NAV3: variants seen among roughly 807,000 people sequenced by gnomAD.
NAV3 encodes neuron navigator 3.
In NAV3, 87 loss-of-function variants were observed where a neutral mutation model predicts 244.7. The observed-to-expected ratio is 0.36, with a 90% CI of 0.30 to 0.42. The LOEUF (loss-of-function observed/expected upper bound fraction) is 0.42, where lower values mean the gene tolerates loss of function less well. NAV3 is among the 20% of genes least tolerant of loss of function. NAV3 has a pLI of 1.00. For synonymous variants in NAV3, 1,126 were observed against 1,042.2 expected, an observed-to-expected ratio of 1.08 and a Z score of -1.55; for missense variants, 2,663 against 2,893.3, an observed-to-expected ratio of 0.92 and a Z score of 1.83.
Position 77,846,022 on chromosome 12 carries a change from G to A in NAV3, c.243+14318G>A, listed in dbSNP as rs1313292130. 3.3e-5 allele frequency among the ~76,000 whole-genome samples: 5 copies of A among 152,246 alleles called. No individual in the cohort carries two copies. The East Asian group carries it at 9.6e-4, about 29-fold the overall frequency. Reference sequence around the variant, plus strand: ...TTTACAATGCAGTGCACTCCAAAAAGCACATAAAGATTACTGATCTCTGAG... The same window carrying A: ...TTTACAATGCAGTGCACTCCAAAAAACACATAAAGATTACTGATCTCTGAG... On this transcript the variant is annotated intron_variant, in intron 1 of 39. Coordinates refer to ENST00000397909, the MANE Select transcript of NAV3 (RefSeq NM_001024383.2).
intron 1 of NAV3, among the ~76,000 whole-genome samples, chr12:77,904,325 T>G (rs1459906713): frequency 6.6e-6 from 1 of 152,232 alleles, no homozygotes; most frequent in East Asian, 1.9e-4. Context: ...TAAAAAATGA[T>G]GAGTTCATGT....
At chr12:77,758,327 A>T (rs913608205) in intron 2 of NAV3, among the ~76,000 whole-genome samples, 6 of 152,198 alleles carry the variant, frequency 3.9e-5, no homozygotes, top group African/African-American at 1.4e-4. Flanking sequence ...AAAAAGAAAA[A>T]AAAACAGAGA....
chr12:78,201,604 C>T (rs916061122), intron 38 of NAV3, among the ~76,000 whole-genome samples: 1 of 151,978 alleles, frequency 6.6e-6, no homozygotes, highest in African/African-American at 2.4e-5. Context: ...CAACAAAATA[C>T]ATGTCATTTT....
intron 5 of NAV3, among the ~76,000 whole-genome samples, chr12:77,986,950 T>C (rs1301467095): frequency 5.3e-5 from 8 of 152,192 alleles, no homozygotes; most frequent in African/African-American, 1.9e-4. Flanking sequence ...GTTCCACATT[T>C]ATTAGCCCTG....
At chr12:77,647,272 G>A (rs879627182) in intron 2 of NAV3, among the ~76,000 whole-genome samples, 14 of 152,042 alleles carry the variant, frequency 9.2e-5, no homozygotes, top group Admixed American at 2.6e-4. Context: ...ACATAGAGGA[G>A]TAACATTTCT....
At chr12:77,929,871 A>G (rs1479023) in intron 1 of NAV3, among the ~76,000 whole-genome samples, 17,541 of 142,802 alleles carry the variant, frequency 0.12, 1,143 homozygotes, top group East Asian at 0.21. Flanking sequence ...CTGGTCTTGA[A>G]CTCCTGACCT....
chr12:77,848,861 C>G (rs1478151225), intron 1 of NAV3, among the ~76,000 whole-genome samples: 1 of 152,042 alleles, frequency 6.6e-6, no homozygotes, highest in African/African-American at 2.4e-5. Context: ...AGAGAAATCT[C>G]CTAATGAGGA....
chr12:77,854,318 A>G (rs1467277672), intron 1 of NAV3, among the ~76,000 whole-genome samples: 2 of 152,174 alleles, frequency 1.3e-5, no homozygotes, highest in Non-Finnish European at 2.9e-5. Context: ...TTTTGGCAGT[A>G]CCTCATACCA....
intron 5 of NAV3, among the ~76,000 whole-genome samples, chr12:77,993,742 T>C (rs973598611): frequency 1.3e-5 from 2 of 152,134 alleles, no homozygotes; most frequent in African/African-American, 4.8e-5. Context: ...AGCAATTGGA[T>C]CAACTACATC....
intron 9 of NAV3, among the ~76,000 whole-genome samples, chr12:78,032,595 C>G (rs998310428): frequency 6.6e-6 from 1 of 152,116 alleles, no homozygotes; most frequent in Non-Finnish European, 1.5e-5. Flanking sequence ...GATGGTAGCT[C>G]CAATAATTAT....
intron 2 of NAV3, among the ~76,000 whole-genome samples, chr12:77,684,308 G>C (rs1210211120): frequency 3.3e-5 from 5 of 152,000 alleles, no homozygotes; most frequent in African/African-American, 1.2e-4. Flanking sequence ...AGATAATATG[G>C]ATACAAGTAT....
chr12:77,861,652 A>G (rs1429019487), intron 1 of NAV3, among the ~76,000 whole-genome samples: 1 of 151,878 alleles, frequency 6.6e-6, no homozygotes, highest in Non-Finnish European at 1.5e-5. Context: ...CCTTCTGTCC[A>G]GATATTCATG....
At chr12:77,851,947 A>G (rs1473940562) in intron 1 of NAV3, among the ~76,000 whole-genome samples, 1 of 152,166 alleles carries the variant, frequency 6.6e-6, no homozygotes, top group African/African-American at 2.4e-5. Context: ...CACTTTTTAG[A>G]TAAGGAGACT....
intron 19 of NAV3, among the ~76,000 whole-genome samples, chr12:78,139,898 C>T (rs921943573): frequency 2.6e-5 from 4 of 151,974 alleles, no homozygotes; most frequent in Middle Eastern, 3.2e-3. Flanking sequence ...TTGTTGGATA[C>T]AAATGAAATA....
chr12:77,966,451 T>C, intron 4 of NAV3, 150 bp downstream of exon 4: 1 of 649,456 alleles, frequency 1.5e-6, no homozygotes, highest in Non-Finnish European at 2.6e-6. Context: ...AACATAAACA[T>C]AATGGTTATT....
intron 9 of NAV3, among the ~76,000 whole-genome samples, chr12:78,026,683 T>C (rs1166774615): frequency 6.6e-6 from 1 of 152,168 alleles, no homozygotes; most frequent in Non-Finnish European, 1.5e-5. Flanking sequence ...GGTACTAAGA[T>C]ACCCTAGAAT....
chr12:78,068,019 AAGG>A (rs1885229199), intron 12 of NAV3, among the ~76,000 whole-genome samples: 1 of 152,036 alleles, frequency 6.6e-6, no homozygotes, highest in African/African-American at 2.4e-5. Context: ...TGAGGAGGAA[AAGG>A]AGGAGAACGA....
intron 7 of NAV3, among the ~76,000 whole-genome samples, chr12:78,001,981 T>C (rs1247458767): frequency 6.6e-6 from 1 of 152,188 alleles, no homozygotes; most frequent in Non-Finnish European, 1.5e-5. Context: ...GAGAGTACTC[T>C]AGACAGATAT....
intron 2 of NAV3, among the ~76,000 whole-genome samples, chr12:77,693,635 A>T (rs566981903): frequency 6.6e-6 from 1 of 152,220 alleles, no homozygotes; most frequent in South Asian, 2.1e-4. Flanking sequence ...TAAACAAATT[A>T]TTCCACCAGT....
Sources: gnomAD v4.1 joint callset for allele counts (sites outside exome capture counted in the v4.1 genomes callset) on GRCh38, gnomAD v4.1.1 for gene constraint, MANE v1.5 for transcripts, NCBI Gene and HGNC (gene_info 2026-07-23, HGNC 2026-07-21) for gene names.